The following PAK5 variants were observed in gnomAD, a reference collection of about 807,000 sequenced individuals.
PAK5 encodes serine/threonine-protein kinase PAK 5.
Under a neutral mutation model 65.9 loss-of-function variants are expected in PAK5, and 16 were observed. That is an observed-to-expected ratio of 0.24 (90% CI 0.16 to 0.37). PAK5 has a LOEUF of 0.37. PAK5 is among the 10% of genes least tolerant of loss of function. PAK5 has a pLI of 1.00. For missense variants in PAK5, 785 were observed against 903.9 expected (o/e 0.87, Z 1.69); for synonymous variants, 371 against 354.9 (o/e 1.05, Z -0.51).
At chr20:9,556,155 C>G (rs6056695) in intron 7 of PAK5, among the ~76,000 whole-genome samples, 28,440 of 152,128 alleles carry the variant, frequency 0.19, 3,438 homozygotes, top group African/African-American at 0.34. Flanking sequence ...CATGCTTCTA[C>G]TGTACCGTTC....
At chr20:9,740,796 C>T (rs369306201) in intron 1 of PAK5, among the ~76,000 whole-genome samples, 3 of 152,178 alleles carry the variant, frequency 2.0e-5, no homozygotes, top group Non-Finnish European at 4.4e-5. Flanking sequence ...GATCAATGAG[C>T]AATAAACATT....
chr20:9,770,138 T>C (rs2048816941), intron 1 of PAK5, among the ~76,000 whole-genome samples: 1 of 152,144 alleles, frequency 6.6e-6, no homozygotes, highest in Non-Finnish European at 1.5e-5. Context: ...GCCAGAGTGA[T>C]GTCCTTGGGC....
At chr20:9,766,910 G>GTT (rs34227748) in intron 1 of PAK5, among the ~76,000 whole-genome samples, 1 of 149,434 alleles carries the variant, frequency 6.7e-6, no homozygotes, top group Non-Finnish European at 1.5e-5. Flanking sequence ...TCATTAAAAT[G>GTT]TTTTTTTTTT....
At chr20:9,602,117 C>T (rs1312591953) in intron 3 of PAK5, among the ~76,000 whole-genome samples, 1 of 151,718 alleles carries the variant, frequency 6.6e-6, no homozygotes, top group African/African-American at 2.4e-5. Flanking sequence ...ATAGTGAAAC[C>T]CCGTCTTTAC....
intron 3 of PAK5, among the ~76,000 whole-genome samples, chr20:9,585,331 A>C (rs924493923): frequency 6.6e-6 from 1 of 152,130 alleles, no homozygotes; most frequent in Non-Finnish European, 1.5e-5. Context: ...CCTGGAGTTG[A>C]CTTTGCCAAC....
At chr20:9,767,689 T>C (rs910666701) in intron 1 of PAK5, among the ~76,000 whole-genome samples, 2 of 152,186 alleles carry the variant, frequency 1.3e-5, no homozygotes, top group African/African-American at 4.8e-5. Context: ...GGTTCTTCAG[T>C]CACCCCCTTG....
At chr20:9,588,192 G>A (rs2046103956) in intron 3 of PAK5, among the ~76,000 whole-genome samples, 1 of 152,048 alleles carries the variant, frequency 6.6e-6, no homozygotes, top group Non-Finnish European at 1.5e-5. Flanking sequence ...ATATGATGTG[G>A]TTACAAACAT....
At chr20:9,624,508 T>C (rs2046815223) in intron 3 of PAK5, among the ~76,000 whole-genome samples, 1 of 147,594 alleles carries the variant, frequency 6.8e-6, no homozygotes, top group Non-Finnish European at 1.5e-5. Context: ...GGTAGAAATA[T>C]TATAAAGGTA....
chr20:9,583,721 G>C (rs2123034167), intron 3 of PAK5, among the ~76,000 whole-genome samples: 1 of 152,298 alleles, frequency 6.6e-6, no homozygotes, highest in East Asian at 1.9e-4. Context: ...CACTGTTAGA[G>C]TGCCATACAA....
intron 2 of PAK5, among the ~76,000 whole-genome samples, chr20:9,675,210 G>A (rs531052232): frequency 8.1e-4 from 123 of 151,738 alleles, no homozygotes; most frequent in Non-Finnish European, 1.3e-3. Context: ...AATAAAAGAG[G>A]AGAAGAGTTA....
chr20:9,575,832 T>C (rs1404821483), intron 4 of PAK5: 1 of 152,198 alleles, frequency 6.6e-6, no homozygotes, highest in East Asian at 1.9e-4. Flanking sequence ...AATGAGAATA[T>C]TCTGGAACAC....
At chr20:9,807,741 G>A (rs1439106427) in intron 1 of PAK5, among the ~76,000 whole-genome samples, 3 of 129,556 alleles carry the variant, frequency 2.3e-5, no homozygotes, top group Non-Finnish European at 5.1e-5. Context: ...CAACAGTAAC[G>A]ACTCCCTTCC....
At chr20:9,614,306 G>C (rs1394021080) in intron 3 of PAK5, among the ~76,000 whole-genome samples, 1 of 152,064 alleles carries the variant, frequency 6.6e-6, no homozygotes, top group Non-Finnish European at 1.5e-5. Flanking sequence ...AAAAGCAAAG[G>C]GAAAAAATGC....
chr20:9,571,679 T>A (rs180837449), intron 4 of PAK5, among the ~76,000 whole-genome samples: 1 of 152,322 alleles, frequency 6.6e-6, no homozygotes, highest in Admixed American at 6.5e-5. Context: ...TTCTTGCACG[T>A]AAACCTCAAG....
chr20:9,590,568 G>T (rs2046151281), intron 3 of PAK5, among the ~76,000 whole-genome samples: 1 of 151,290 alleles, frequency 6.6e-6, no homozygotes, highest in Non-Finnish European at 1.5e-5. Context: ...AGATACACAG[G>T]TCTCATCTTT....
At chr20:9,733,389 CTT>C (rs1362654186) in intron 1 of PAK5, among the ~76,000 whole-genome samples, 3 of 37,852 alleles carry the variant, frequency 7.9e-5, no homozygotes, top group East Asian at 1.3e-3. Context: ...ACCAATCTCT[CTT>C]TCTTTCTTTC....
chr20:9,641,838 A>G (rs2047069956), intron 3 of PAK5, among the ~76,000 whole-genome samples: 1 of 152,156 alleles, frequency 6.6e-6, no homozygotes, highest in Non-Finnish European at 1.5e-5. Context: ...CCAGGTGCTA[A>G]GTTCCCCATT....
At chr20:9,587,566 G>T (rs2046091389) in intron 3 of PAK5, among the ~76,000 whole-genome samples, 1 of 152,068 alleles carries the variant, frequency 6.6e-6, no homozygotes, top group African/African-American at 2.4e-5. Context: ...GTCATCTCAG[G>T]GTGGGAAGAC....
intron 1 of PAK5, among the ~76,000 whole-genome samples, chr20:9,766,471 ATATG>A (rs74221902): frequency 0.01 from 654 of 62,308 alleles, 110 homozygotes; most frequent in Non-Finnish European, 0.014. Flanking sequence ...AGCAGAATAT[ATATG>A]TATATATATA....
Sources: gnomAD v4.1 joint callset for allele counts (sites outside exome capture counted in the v4.1 genomes callset) on GRCh38, gnomAD v4.1.1 for gene constraint, MANE v1.5 for transcripts, NCBI Gene and HGNC (gene_info 2026-07-23, HGNC 2026-07-21) for gene names.